SPAG1: variants seen among roughly 807,000 people sequenced by gnomAD.
The protein encoded by SPAG1 is sperm-associated antigen 1.
Under a neutral mutation model 100.5 loss-of-function variants are expected in SPAG1, and 69 were observed. The ratio of observed to expected loss-of-function variants is 0.69; its 90% CI spans 0.57 to 0.84. The LOEUF is 0.84. Among genes scored for constraint, SPAG1 ranks in the 40% least tolerant of loss-of-function variants. The pLI, the probability that SPAG1 is intolerant of heterozygous loss-of-function variation, is 0.00. For synonymous variants in SPAG1, 336 were observed against 411.6 expected, an observed-to-expected ratio of 0.82 and a Z score of 2.22; for missense variants, 955 against 1,133.1, an observed-to-expected ratio of 0.84 and a Z score of 2.26.
intron 10 of SPAG1, among the ~76,000 whole-genome samples, chr8:100,202,349 A>AC (rs1189388005): frequency 1.3e-5 from 2 of 151,716 alleles, no homozygotes; most frequent in African/African-American, 2.4e-5. Flanking sequence ...GTTTAAAAAA[A>AC]AAAACAAAAA....
In SPAG1 at chr8:100,225,258, C is replaced by T; in HGVS notation, c.1774C>T (p.Leu592=). ...TCCTGCTGTGCCTGCTTCTGTGCCA[C>T]TGCAAGCTTGGCATCCGGCAAAAGA... ...PIPAVPASVP[L]QAWHPAKEMI... The change falls in exon 14 of 19, where the codon CTG becomes TTG. Residue 592 remains leucine (L), a synonymous_variant. Transcript: ENST00000388798. The T allele has an allele frequency of 3.1e-6, 5 of 1,613,930 alleles. No homozygotes were observed. Among genetic ancestry groups the T allele is most frequent in the Non-Finnish European group, 4.2e-6 (5 of 1,179,954 alleles).
rs2248767 is a variant in SPAG1, at chr8:100,165,538, C to T, written c.141-276C>T. The stretch of plus-strand genomic sequence containing the variant: ...CCGCGGAGCAACCCCACTTCCTCCA[C>T]GGTGCCGGGGACCACACCGCCCCAC... On this transcript the variant is annotated intron_variant, in intron 2 of 18. Transcript: ENST00000388798. 134,681 of 371,314 alleles carry T rather than the reference C, an allele frequency of 0.36. 25,510 individuals are homozygous for T. The highest frequency in any genetic ancestry group is 0.5 in the East Asian group (8,379 of 16,672). 23.0% of individuals were successfully genotyped at this position (371,314 alleles called of 1,614,324 possible).
intron 10 of SPAG1, among the ~76,000 whole-genome samples, chr8:100,203,474 A>C (rs1303992136): frequency 6.6e-6 from 1 of 152,190 alleles, no homozygotes; most frequent in Non-Finnish European, 1.5e-5. Context: ...TTGGCTACTT[A>C]ATATGATTAG....
chr8:100,212,917 G>A (rs903932841), intron 10 of SPAG1, among the ~76,000 whole-genome samples, 173 bp from the exon 11 acceptor site: 5 of 152,084 alleles, frequency 3.3e-5, no homozygotes, highest in African/African-American at 1.2e-4. Flanking sequence ...GAGCGGACTG[G>A]GCCGACTGGC....
Position 100,187,142 on chromosome 8 carries a change from G to C in SPAG1, c.724G>C (p.Val242Leu), listed in dbSNP as rs1484110321. Residue 242 changes from valine (V) to leucine (L), a missense_variant, in exon 8 of 19, where the codon GTA becomes CTA. Coordinates refer to ENST00000388798, the MANE Select transcript of SPAG1 (RefSeq NM_003114.5). ...YTRSISALPTVVAYNNRAQAE... is the reference protein window; with the variant it reads ...YTRSISALPTLVAYNNRAQAE... ...TAGGAGCATATCAGCGCTTCCCACT[G>C]TAGTTGCCTATAACAATCGAGCTCA... 25 of 1,612,140 alleles carry C rather than the reference G, an allele frequency of 1.6e-5. No individual in the cohort carries two copies. In the South Asian group the frequency reaches 2.4e-4, roughly 16 times the overall value.
intron 4 of SPAG1, among the ~76,000 whole-genome samples, chr8:100,180,078 T>C (rs373952764): frequency 6.6e-6 from 1 of 152,314 alleles, no homozygotes; most frequent in African/African-American, 2.4e-5. Context: ...ATGCCTGTAA[T>C]TCCAGCACTT....
At chr8:100,218,350 A>C (rs1445187295) in intron 12 of SPAG1, among the ~76,000 whole-genome samples, 3 of 152,216 alleles carry the variant, frequency 2.0e-5, no homozygotes, top group African/African-American at 7.2e-5. Context: ...ACAGCATCTC[A>C]TCAGTTTTAG....
At chr8:100,171,589 T>C (rs929957420) in intron 3 of SPAG1, among the ~76,000 whole-genome samples, 1 of 152,146 alleles carries the variant, frequency 6.6e-6, no homozygotes, top group African/African-American at 2.4e-5. Context: ...GATATTTTTT[T>C]CCCCCGAATC....
chr8:100,226,346 A>G (rs1818512789), intron 14 of SPAG1, among the ~76,000 whole-genome samples: 1 of 152,170 alleles, frequency 6.6e-6, no homozygotes, highest in Non-Finnish European at 1.5e-5. Flanking sequence ...GTTGTCAGAA[A>G]TAAATGGAGA....
At chr8:100,209,869 C>G (rs1166329464) in intron 10 of SPAG1, among the ~76,000 whole-genome samples, 2 of 133,644 alleles carry the variant, frequency 1.5e-5, no homozygotes, top group African/African-American at 5.7e-5. Flanking sequence ...GTTTATTGCT[C>G]TAGTTTTTTT....
chr8:100,190,616 G>A (rs1468837385), intron 8 of SPAG1, among the ~76,000 whole-genome samples: 1 of 151,172 alleles, frequency 6.6e-6, no homozygotes, highest in Non-Finnish European at 1.5e-5. Flanking sequence ...TGTCACTAAT[G>A]AGCCACATTC....
chr8:100,164,416 T>TA (rs1815452911), intron 2 of SPAG1, among the ~76,000 whole-genome samples: 1 of 152,180 alleles, frequency 6.6e-6, no homozygotes, highest in African/African-American at 2.4e-5. Context: ...AAGTAAATGA[T>TA]AAAATTTTTT....
intron 3 of SPAG1, among the ~76,000 whole-genome samples, chr8:100,173,247 G>T (rs533542017): frequency 6.6e-6 from 1 of 151,604 alleles, no homozygotes; most frequent in Non-Finnish European, 1.5e-5. Flanking sequence ...TGTCCAGGCT[G>T]GTCTAGAACT....
chr8:100,166,977 C>G (rs1440662984), intron 3 of SPAG1, among the ~76,000 whole-genome samples: 1 of 151,926 alleles, frequency 6.6e-6, no homozygotes, highest in Admixed American at 6.6e-5. Flanking sequence ...ATTTTTAAGC[C>G]TTTTCAAACA....
At chr8:100,205,604 A>C (rs1182949155) in intron 10 of SPAG1, among the ~76,000 whole-genome samples, 1 of 152,162 alleles carries the variant, frequency 6.6e-6, no homozygotes, top group African/African-American at 2.4e-5. Flanking sequence ...TATGGTGGGA[A>C]AGGCCAAATG....
At chr8:100,173,654 T>C (rs932816120) in intron 3 of SPAG1, among the ~76,000 whole-genome samples, 1 of 152,212 alleles carries the variant, frequency 6.6e-6, no homozygotes, top group Admixed American at 6.5e-5. Context: ...GTTAAGAACC[T>C]ACTATATGTC....
chr8:100,201,741 C>G (rs73698125), intron 10 of SPAG1, among the ~76,000 whole-genome samples: 1,701 of 152,118 alleles, frequency 0.011, 35 homozygotes, highest in African/African-American at 0.039. Context: ...GTCAGAAGAC[C>G]CTCCCCAGAG....
At chr8:100,228,704 C>T (rs1264148029) in intron 14 of SPAG1, among the ~76,000 whole-genome samples, 1 of 151,474 alleles carries the variant, frequency 6.6e-6, no homozygotes, top group Non-Finnish European at 1.5e-5. Flanking sequence ...CAGAGCCAGA[C>T]CCCATCTCAA....
At chr8:100,231,343 A>C in intron 15 of SPAG1, 55 bp downstream of exon 15, 2 of 1,229,954 alleles carry the variant, frequency 1.6e-6, no homozygotes, top group Non-Finnish European at 2.2e-6. Context: ...GATTATTAAA[A>C]ATATTTTAAG....
Sources: gnomAD v4.1 joint callset for allele counts (sites outside exome capture counted in the v4.1 genomes callset) on GRCh38, gnomAD v4.1.1 for gene constraint, MANE v1.5 for transcripts, NCBI Gene and HGNC (gene_info 2026-07-23, HGNC 2026-07-21) for gene names.